SERPINB10: variants seen among roughly 807,000 people sequenced by gnomAD.
The protein encoded by SERPINB10 is serpin B10.
SERPINB10 carries 35 observed loss-of-function variants against 39.1 expected under a neutral mutation model. The observed-to-expected ratio is 0.90, with a 90% CI of 0.68 to 1.19. The LOEUF (loss-of-function observed/expected upper bound fraction) is 1.19. SERPINB10 is among the 50% of genes most tolerant of loss of function. The pLI is 0.00. For synonymous variants in SERPINB10, 190 were observed against 158.1 expected (o/e 1.20, Z -1.52); for missense variants, 546 against 460.5 (o/e 1.19, Z -1.70).
In SERPINB10 at chr18:63,923,559, T is replaced by C. The variant is rs2050160667; in HGVS notation, c.490+3654T>C. Among the ~76,000 whole-genome samples the C allele has an allele frequency of 2.0e-5, 3 of 152,102 alleles. No individual in the cohort carries two copies. In the South Asian group the frequency reaches 6.2e-4, roughly 31 times the overall value. ...CCCAGAAGATTTTAGAATACTTTTC[T>C]TTCTTTTTTGGTGTTCTGAGGTTTC... On this transcript the variant is annotated intron_variant, in intron 5 of 7. Coordinates refer to ENST00000238508, the MANE Select transcript of SERPINB10 (RefSeq NM_005024.3).
chr18:63,927,568 C>T (rs929845634), intron 5 of SERPINB10, among the ~76,000 whole-genome samples: 15 of 152,054 alleles, frequency 9.9e-5, no homozygotes, highest in African/African-American at 3.6e-4. Flanking sequence ...CTCCCTCAAT[C>T]CCTTTATAAG....
chr18:63,934,131 C>T (rs957976408), intron 7 of SERPINB10, among the ~76,000 whole-genome samples: 2 of 151,984 alleles, frequency 1.3e-5, no homozygotes, highest in East Asian at 1.9e-4. Flanking sequence ...CCAAAACTTC[C>T]GTCTAGAAGA....
chr18:63,915,506 C>A lies in SERPINB10; in HGVS notation c.-5C>A. ...TTTTTGCTTTATTTTTCTTAGGTTT[C>A]CTCAATGGACTCTCTAGCAACATCA... On this transcript the variant is annotated 5_prime_UTR_variant, in exon 2 of 8. Coordinates refer to ENST00000238508, the MANE Select transcript of SERPINB10 (RefSeq NM_005024.3). The A allele has an allele frequency of 1.3e-6, 2 of 1,586,780 alleles. No individual in the cohort carries two copies. The highest frequency in any genetic ancestry group is 1.7e-6 in the Non-Finnish European group (2 of 1,165,288).
rs1183331113 is a variant in SERPINB10 at position 63,930,188 on chromosome 18, G to A, written c.633+1G>A. The A allele has an allele frequency of 1.9e-6, 3 of 1,611,824 alleles. No homozygotes were observed. In the East Asian group the frequency reaches 6.7e-5, roughly 36 times the overall value. On this transcript the variant is annotated splice_donor_variant, in intron 6 of 7. Transcript: ENST00000238508. LOFTEE classifies it high-confidence loss of function. ...AGAAAAGCCTTTTAGAATAAACGAGGTAGGAAATTTTTAAAGATCAGTTTG... is the reference window on the plus strand; with the variant it reads ...AGAAAAGCCTTTTAGAATAAACGAGATAGGAAATTTTTAAAGATCAGTTTG...
chr18:63,933,040 T>C lies in SERPINB10; in HGVS notation c.634-8T>C. The C allele has an allele frequency of 6.2e-7, 1 of 1,605,668 alleles. No individual in the cohort carries two copies. The highest frequency in any genetic ancestry group is 8.5e-7 in the Non-Finnish European group (1 of 1,178,002). On this transcript the variant is annotated splice_polypyrimidine_tract_variant and splice_region_variant and intron_variant, in intron 6 of 7. Coordinates refer to ENST00000238508, the MANE Select transcript of SERPINB10 (RefSeq NM_005024.3). Reference sequence around the variant, plus strand: ...TTACCTGTTTTTTTGTTTTTTTGTTTTTTTTAGACTACAAGCAAACCAGTG... The same window carrying C: ...TTACCTGTTTTTTTGTTTTTTTGTTCTTTTTAGACTACAAGCAAACCAGTG...
At chr18:63,916,730 G>T (rs1300256714) in intron 2 of SERPINB10, among the ~76,000 whole-genome samples, 3 of 151,994 alleles carry the variant, frequency 2.0e-5, no homozygotes, top group African/African-American at 7.2e-5. Flanking sequence ...CCTTGTTTCG[G>T]ATGTTAACAC....
At chr18:63,920,443 A>G (rs2050138613) in intron 5 of SERPINB10, among the ~76,000 whole-genome samples, 1 of 151,966 alleles carries the variant, frequency 6.6e-6, no homozygotes, top group Non-Finnish European at 1.5e-5. Flanking sequence ...GCTTAGAGAG[A>G]GCATTTTGCC....
chr18:63,930,318 G>A, intron 6 of SERPINB10, 131 bp downstream of exon 6: 2 of 969,862 alleles, frequency 2.1e-6, no homozygotes, highest in Non-Finnish European at 3.0e-6. Context: ...TGATGGCTGG[G>A]CTAAAAGCCT....
chr18:63,918,319 A>G (rs1312476892), intron 4 of SERPINB10, among the ~76,000 whole-genome samples: 1 of 152,058 alleles, frequency 6.6e-6, no homozygotes, highest in Non-Finnish European at 1.5e-5. Context: ...ATTTCTGTCT[A>G]GAATAAAGAG....
chr18:63,935,143 C>G lies in SERPINB10; in HGVS notation c.1095C>G (p.Val365=). Reference sequence around the variant, plus strand: ...GTGAGATAGATATACGAATTAGAGTCCCATCCATTGAATTCAATGCAAATC... The same window carrying G: ...GTGAGATAGATATACGAATTAGAGTGCCATCCATTGAATTCAATGCAAATC... ...SGSEIDIRIR[V]PSIEFNANHP... is the part of the protein sequence containing the mutation. Residue 365 remains valine, a synonymous_variant, in exon 8 of 8, where the codon GTC becomes GTG. Coordinates refer to ENST00000238508, the MANE Select transcript of SERPINB10 (RefSeq NM_005024.3). 1 of 1,613,494 alleles carries G rather than the reference C, an allele frequency of 6.2e-7. No homozygotes were observed. Among genetic ancestry groups the G allele is most frequent in the Non-Finnish European group, 8.5e-7 (1 of 1,179,970 alleles).
intron 1 of SERPINB10, among the ~76,000 whole-genome samples, chr18:63,911,317 G>A (rs2050062720): frequency 6.6e-6 from 1 of 151,310 alleles, no homozygotes; most frequent in Non-Finnish European, 1.5e-5. Flanking sequence ...TGTTGCAATT[G>A]CTTTTGAAGA....
chr18:63,915,702 T>G lies in SERPINB10; in HGVS notation c.168+24T>G, dbSNP rs776466044. The G allele has an allele frequency of 1.9e-6, 3 of 1,573,698 alleles. 1 individual carries two copies. The South Asian group carries it at 3.5e-5, about 18-fold the overall frequency. ...AGGTGAGTGGAAAAGGTCAACTATC[T>G]TCTGTTTCTTGTAAGCTAAGTGCTT... On this transcript the variant is annotated intron_variant, in intron 2 of 7. Transcript: ENST00000238508.
intron 5 of SERPINB10, among the ~76,000 whole-genome samples, chr18:63,921,065 A>G (rs1383710008): frequency 6.6e-6 from 1 of 151,930 alleles, no homozygotes; most frequent in Non-Finnish European, 1.5e-5. Context: ...ATTTCTACAC[A>G]CCATGCTGCC....
intron 1 of SERPINB10, among the ~76,000 whole-genome samples, chr18:63,910,713 G>C (rs1440538713): frequency 6.6e-6 from 1 of 151,908 alleles, no homozygotes; most frequent in East Asian, 1.9e-4. Context: ...TAGGCACCTA[G>C]GTTGATTTCA....
chr18:63,915,453 T>C (rs1255527382), intron 1 of SERPINB10, 49 bp from the exon 2 acceptor site: 3 of 1,351,220 alleles, frequency 2.2e-6, no homozygotes, highest in Non-Finnish European at 3.1e-6. Context: ...AAAGGTGAAG[T>C]GGAAATAAAT....
chr18:63,935,051 A>G lies in SERPINB10; in HGVS notation c.1003A>G (p.Asn335Asp). The G allele has an allele frequency of 1.9e-6, 3 of 1,614,180 alleles. No homozygotes were observed. Among genetic ancestry groups the G allele is most frequent in the African/African-American group, 1.3e-5 (1 of 75,050 alleles). The change falls in exon 8 of 8, where the codon AAT becomes GAT. Residue 335 changes from asparagine (N) to aspartate (D), a missense_variant. Transcript: ENST00000238508. ...MSSARNLFLS[N>D]VFHKAFVEIN... ...TTCAGCAAGAAACCTATTTTTGTCCAATGTTTTCCATAAGGCTTTTGTGGA... is the reference window on the plus strand; with the variant it reads ...TTCAGCAAGAAACCTATTTTTGTCCGATGTTTTCCATAAGGCTTTTGTGGA...
intron 6 of SERPINB10, among the ~76,000 whole-genome samples, chr18:63,932,609 T>A (rs746882568): frequency 3.7e-4 from 56 of 152,196 alleles, no homozygotes; most frequent in Non-Finnish European, 7.6e-4. Flanking sequence ...TTTTTATTAT[T>A]GTCTCATATG....
At position 63,935,513 on chromosome 18, in the gene SERPINB10, T is replaced by A. The variant is rs2050256926; in HGVS notation, c.*271T>A. ...AGAAGTACTATGCTATTCAACTGAA[T>A]GCCTTACAATTCTTGATCACTTGCA... is the stretch of plus-strand genomic sequence containing the variant. On this transcript the variant is annotated 3_prime_UTR_variant, in exon 8 of 8. Coordinates refer to ENST00000238508, the MANE Select transcript of SERPINB10 (RefSeq NM_005024.3). 6.0e-6 allele frequency: 2 copies of A among 331,630 alleles called. No individual in the cohort carries two copies. Among genetic ancestry groups the A allele is most frequent in the African/African-American group, 4.2e-5 (2 of 47,278 alleles). The allele number at this position is 331,630 out of a possible 1,614,324, so 20.5% of individuals were successfully genotyped here. A position where few individuals can be genotyped will look rare whatever the true frequency, so the allele number is the denominator to read the frequency against.
In SERPINB10 at chr18:63,934,764, G is replaced by T. The variant is rs542666190; in HGVS notation, c.790-74G>T. The stretch of plus-strand genomic sequence containing the variant: ...ATAATTCACCTATGTAATTCCTAGG[G>T]TGCTCTCTCTACTACTGTTTTTCAT... On this transcript the variant is annotated intron_variant, in intron 7 of 7. Transcript: ENST00000238508. 16 of 1,449,316 alleles carry T rather than the reference G, an allele frequency of 1.1e-5. No homozygotes were observed. In the African/African-American group the frequency reaches 2.3e-4, roughly 21 times the overall value. The allele number at this position is 1,449,316 out of a possible 1,614,324, so 89.8% of individuals were successfully genotyped here.
Sources: allele counts gnomAD v4.1 joint callset (sites outside exome capture counted in the v4.1 genomes callset), GRCh38; gene constraint gnomAD v4.1.1; transcripts MANE v1.5; gene names NCBI Gene and HGNC (gene_info 2026-07-23, HGNC 2026-07-21).